SLC44A5: variants seen among roughly 807,000 people sequenced by gnomAD.
The protein encoded by SLC44A5 is choline transporter-like protein 5.
SLC44A5 carries 57 observed loss-of-function variants against 101.8 expected under a neutral mutation model. The ratio of observed to expected loss-of-function variants is 0.56; its 90% CI spans 0.45 to 0.70. The LOEUF is 0.70. Among genes scored for constraint, SLC44A5 ranks in the 30% least tolerant of loss-of-function variants. The pLI is 0.00. For synonymous variants in SLC44A5, 281 were observed against 290.9 expected, an observed-to-expected ratio of 0.97 and a Z score of 0.35; for missense variants, 737 against 853.1, an observed-to-expected ratio of 0.86 and a Z score of 1.70.
intron 2 of SLC44A5, among the ~76,000 whole-genome samples, chr1:75,504,330 A>G (rs1669130002): frequency 6.6e-6 from 1 of 152,138 alleles, no homozygotes; most frequent in Admixed American, 6.6e-5. Context: ...AAGGGGCATT[A>G]AAGGGATTCT....
At chr1:75,257,436 C>T (rs1650106244) in intron 6 of SLC44A5, among the ~76,000 whole-genome samples, 1 of 152,098 alleles carries the variant, frequency 6.6e-6, no homozygotes, top group South Asian at 2.1e-4. Context: ...GCAAGAATGC[C>T]AGAATTCAAC....
At chr1:75,722,676 C>T in the SLC44A5 span, among the ~76,000 whole-genome samples, 9 of 152,206 alleles carry the variant, frequency 5.9e-5, no homozygotes, top group Non-Finnish European at 1.2e-4. Context: ...TGCCTTTGCT[C>T]ACGAGAAGCA....
chr1:75,388,816 T>A (rs949567868), intron 3 of SLC44A5, among the ~76,000 whole-genome samples: 1 of 151,526 alleles, frequency 6.6e-6, no homozygotes, highest in Non-Finnish European at 1.5e-5. Context: ...CATATCAATA[T>A]TAACCTTGAA....
chr1:75,316,962 A>G (rs1254820692), intron 4 of SLC44A5, among the ~76,000 whole-genome samples: 1 of 152,230 alleles, frequency 6.6e-6, no homozygotes, highest in Non-Finnish European at 1.5e-5. Flanking sequence ...CAGCAATCAG[A>G]GGGCAAATCA....
chr1:75,245,888 C>T (rs546910111), intron 7 of SLC44A5, among the ~76,000 whole-genome samples: 15 of 152,192 alleles, frequency 9.9e-5, no homozygotes, highest in Non-Finnish European at 1.6e-4. Context: ...AAATGAAGGT[C>T]ACATTGAGAT....
intron 6 of SLC44A5, among the ~76,000 whole-genome samples, chr1:75,252,495 C>T (rs773125614): frequency 6.6e-6 from 1 of 152,210 alleles, no homozygotes; most frequent in Admixed American, 6.5e-5. Context: ...ACAGTGGAGT[C>T]GGCAGGATAC....
chr1:75,333,609 C>T (rs1657222066), intron 4 of SLC44A5, among the ~76,000 whole-genome samples: 1 of 152,026 alleles, frequency 6.6e-6, no homozygotes, highest in African/African-American at 2.4e-5. Flanking sequence ...AGGCACTGTG[C>T]TATGTGCTAG....
At chr1:75,293,477 G>A (rs1171903848) in intron 5 of SLC44A5, among the ~76,000 whole-genome samples, 2 of 152,100 alleles carry the variant, frequency 1.3e-5, no homozygotes, top group Non-Finnish European at 1.5e-5. Flanking sequence ...TCATTACTTT[G>A]TATCCCTTAA....
rs527847986 is a variant in SLC44A5 at position 75,480,759 on chromosome 1, C to T, written c.13+60676G>A. On this transcript the variant is annotated intron_variant, in intron 2 of 23. Coordinates refer to ENST00000370859, the MANE Select transcript of SLC44A5 (RefSeq NM_001130058.2). Reference sequence around the variant, plus strand: ...CTGCTCAATGAAATAAAAGAGGATACAAACAAATGGAAGAACATTCCATGC... The same window carrying T: ...CTGCTCAATGAAATAAAAGAGGATATAAACAAATGGAAGAACATTCCATGC... Among the ~76,000 whole-genome samples, 5 of 152,184 alleles carry T rather than the reference C, an allele frequency of 3.3e-5. No homozygotes were observed. The South Asian group carries it at 1.0e-3, about 32-fold the overall frequency.
At chr1:75,582,131 G>A in intron 1 of SLC44A5, 6 of 744,658 alleles carry the variant, frequency 8.1e-6, no homozygotes, top group Non-Finnish European at 1.5e-5. Flanking sequence ...CACACAACTG[G>A]TCCCGAATAT....
chr1:75,529,030 G>T (rs1670580062), intron 2 of SLC44A5, among the ~76,000 whole-genome samples: 2 of 152,004 alleles, frequency 1.3e-5, no homozygotes, highest in Admixed American at 1.3e-4. Context: ...ACATTATCTT[G>T]TTTACTTACC....
chr1:75,232,047 A>G (rs1647621312), intron 12 of SLC44A5, among the ~76,000 whole-genome samples: 1 of 152,154 alleles, frequency 6.6e-6, no homozygotes, highest in East Asian at 1.9e-4. Flanking sequence ...ATAGTAGCAG[A>G]GGTCAGTTAC....
At chr1:75,716,045 C>A in the SLC44A5 span, among the ~76,000 whole-genome samples, 2,740 of 152,182 alleles carry the variant, frequency 0.018, 38 homozygotes, top group Admixed American at 0.031. Context: ...ACGTGGCCAA[C>A]AAGCATATGA....
chr1:75,506,825 C>A (rs150845111), intron 2 of SLC44A5, among the ~76,000 whole-genome samples: 2 of 149,622 alleles, frequency 1.3e-5, no homozygotes, highest in Non-Finnish European at 3.0e-5. Flanking sequence ...TAATTTATTT[C>A]TCTTACCTGA....
chr1:75,207,037 G>C (rs1251382083), intron 23 of SLC44A5, among the ~76,000 whole-genome samples: 1 of 152,146 alleles, frequency 6.6e-6, no homozygotes, highest in Non-Finnish European at 1.5e-5. Context: ...ATTTCAGAAA[G>C]ATATAAATTG....
chr1:75,529,717 A>C (rs1303134236), intron 2 of SLC44A5, among the ~76,000 whole-genome samples: 4 of 152,220 alleles, frequency 2.6e-5, no homozygotes, highest in African/African-American at 9.6e-5. Flanking sequence ...CTCATCTTAG[A>C]AATAGTATCC....
intron 2 of SLC44A5, among the ~76,000 whole-genome samples, chr1:75,437,249 C>A (rs1453655974): frequency 6.6e-6 from 1 of 152,126 alleles, no homozygotes; most frequent in Non-Finnish European, 1.5e-5. Flanking sequence ...TTTTATACAG[C>A]TGACAGGGCA....
At chr1:75,242,469 G>A (rs1394757727) in intron 8 of SLC44A5, among the ~76,000 whole-genome samples, 2 of 151,964 alleles carry the variant, frequency 1.3e-5, no homozygotes, top group Admixed American at 1.3e-4. Flanking sequence ...CCTAGGTAAG[G>A]GTTGGGGTTT....
chr1:75,410,212 G>A (rs754969935), intron 2 of SLC44A5, among the ~76,000 whole-genome samples: 1 of 151,990 alleles, frequency 6.6e-6, no homozygotes, highest in Non-Finnish European at 1.5e-5. Flanking sequence ...GAAATATAAC[G>A]CACAAATTTC....
Sources: allele counts gnomAD v4.1 joint callset (sites outside exome capture counted in the v4.1 genomes callset), GRCh38; gene constraint gnomAD v4.1.1; transcripts MANE v1.5; gene names NCBI Gene and HGNC (gene_info 2026-07-23, HGNC 2026-07-21).